Variants in TLK1 observed in about 807,000 individuals in gnomAD.
The protein encoded by TLK1 is tousled like kinase 1.
A neutral mutation model predicts 105.3 loss-of-function variants in TLK1; 24 were observed. That is an observed-to-expected ratio of 0.23 (90% confidence interval 0.17 to 0.32). The LOEUF is 0.32. Ranked by LOEUF, TLK1 falls within the 10% of genes least tolerant of loss-of-function variation. The pLI, the probability that TLK1 is intolerant of heterozygous loss-of-function variation, is 1.00. For missense variants in TLK1, 558 were observed against 910.5 expected (o/e 0.61, Z 4.98); for synonymous variants, 321 against 310.4 (o/e 1.03, Z -0.36).
chr2:171,003,264 A>T (rs1684478055), intron 18 of TLK1, among the ~76,000 whole-genome samples: 1 of 108,980 alleles, frequency 9.2e-6, no homozygotes, highest in African/African-American at 4.0e-5. Context: ...ACAGAGCAAG[A>T]CTCCGTCTCA....
At chr2:171,073,292 T>C (rs1688345293) in intron 3 of TLK1, among the ~76,000 whole-genome samples, 2 of 152,224 alleles carry the variant, frequency 1.3e-5, no homozygotes, top group Admixed American at 1.3e-4. Context: ...TGTGTTCCCT[T>C]AGAAATTTCT....
At chr2:171,060,073 C>G in intron 4 of TLK1, 2 of 1,575,276 alleles carry the variant, frequency 1.3e-6, no homozygotes, top group South Asian at 2.3e-5. Context: ...GAAAGCCAGA[C>G]TAAAGCAAAT....
chr2:170,993,486 A>G lies in TLK1; in HGVS notation c.*294T>C. 1 of 256,816 alleles carries G rather than the reference A, an allele frequency of 3.9e-6. No individual in the cohort carries two copies. 15.9% of individuals were successfully genotyped at this position (256,816 alleles called of 1,614,324 possible). A position where few individuals can be genotyped will look rare whatever the true frequency, so the allele number is the denominator to read the frequency against. ...ATTTACAGTGTTCCCCCAAATAAAC[A>G]AAATTTTTTTCCTCTATCTTAACAT... On this transcript the variant is annotated 3_prime_UTR_variant, in exon 21 of 21. Transcript: ENST00000431350.
At chr2:171,172,382 G>A (rs1357389816) in intron 1 of TLK1, among the ~76,000 whole-genome samples, 2 of 151,926 alleles carry the variant, frequency 1.3e-5, no homozygotes, top group African/African-American at 2.4e-5. Flanking sequence ...TGTACACTTT[G>A]GTACATGTAG....
At chr2:171,150,092 T>A (rs915811011) in intron 1 of TLK1, among the ~76,000 whole-genome samples, 1 of 152,322 alleles carries the variant, frequency 6.6e-6, no homozygotes, top group South Asian at 2.1e-4. Context: ...AAGGCATGTG[T>A]TAATATTTAA....
At chr2:171,148,776 A>G (rs1332079953) in intron 1 of TLK1, among the ~76,000 whole-genome samples, 1 of 151,328 alleles carries the variant, frequency 6.6e-6, no homozygotes, top group Non-Finnish European at 1.5e-5. Context: ...GCTACTCAGG[A>G]GGCTGAGATG....
At chr2:171,119,257 T>A (rs1038473648) in intron 1 of TLK1, among the ~76,000 whole-genome samples, 1 of 152,220 alleles carries the variant, frequency 6.6e-6, no homozygotes, top group Non-Finnish European at 1.5e-5. Flanking sequence ...CTCTTCCTGC[T>A]ATTACATCAG....
At chr2:171,118,091 T>C (rs2105531331) in intron 1 of TLK1, among the ~76,000 whole-genome samples, 1 of 152,312 alleles carries the variant, frequency 6.6e-6, no homozygotes, top group South Asian at 2.1e-4. Flanking sequence ...ATATTTTCCA[T>C]CTAATTTAGT....
At chr2:171,182,549 A>G (rs1414540394) in intron 1 of TLK1, among the ~76,000 whole-genome samples, 1 of 152,180 alleles carries the variant, frequency 6.6e-6, no homozygotes, top group Non-Finnish European at 1.5e-5. Flanking sequence ...CTGAAGAACT[A>G]TTTCAGGGTG....
intron 3 of TLK1, among the ~76,000 whole-genome samples, chr2:171,070,558 C>T (rs2356594): frequency 0.96 from 146,198 of 152,250 alleles, 70,488 homozygotes; most frequent in East Asian, 1. Context: ...TTATTTCACT[C>T]AACAATATGA....
chr2:171,126,652 T>A (rs1473743108), intron 1 of TLK1, among the ~76,000 whole-genome samples: 1 of 152,106 alleles, frequency 6.6e-6, no homozygotes, highest in African/African-American at 2.4e-5. Context: ...GTTTTTTCAC[T>A]AAGAGCTTTC....
At chr2:171,058,634 T>C (rs1463064817) in intron 4 of TLK1, among the ~76,000 whole-genome samples, 3 of 152,300 alleles carry the variant, frequency 2.0e-5, no homozygotes, top group Non-Finnish European at 4.4e-5. Context: ...TTAAATACAA[T>C]GTTTTTTAAA....
At chr2:171,006,068 TA>T (rs370131370) in intron 18 of TLK1, 78 bp downstream of exon 18, 18,182 of 1,033,342 alleles carry the variant, frequency 0.018, 2 homozygotes, top group South Asian at 0.035. Flanking sequence ...TACATGGAAA[TA>T]AAAAAAAAAA....
chr2:171,176,942 C>T (rs10206289), intron 1 of TLK1, among the ~76,000 whole-genome samples: 39,120 of 151,556 alleles, frequency 0.26, 5,301 homozygotes, highest in Middle Eastern at 0.32. Flanking sequence ...AAGCAATTTT[C>T]CTGCCTCACC....
chr2:171,144,526 G>A (rs4668370), intron 1 of TLK1, among the ~76,000 whole-genome samples: 148,747 of 152,258 alleles, frequency 0.98, 72,772 homozygotes, highest in East Asian at 1. Flanking sequence ...AAAAAAAATC[G>A]AGAAATTCAC....
intron 3 of TLK1, among the ~76,000 whole-genome samples, chr2:171,071,202 AT>A (rs1356809498): frequency 6.6e-6 from 1 of 151,404 alleles, no homozygotes; most frequent in Non-Finnish European, 1.5e-5. Context: ...GTTTGCAAAT[AT>A]TTTCTCCTAC....
At chr2:171,020,756 T>C (rs1361276187) in intron 12 of TLK1, among the ~76,000 whole-genome samples, 4 of 152,200 alleles carry the variant, frequency 2.6e-5, no homozygotes, top group East Asian at 1.9e-4. Context: ...AATAACCACC[T>C]AGACAAAGCA....
intron 10 of TLK1, among the ~76,000 whole-genome samples, chr2:171,047,819 A>G (rs1376210020): frequency 1.3e-5 from 2 of 152,168 alleles, no homozygotes; most frequent in African/African-American, 2.4e-5. Context: ...TATTACTTTT[A>G]TTTATTTCTC....
At chr2:171,213,818 G>A (rs1693663297) in intron 1 of TLK1, among the ~76,000 whole-genome samples, 1 of 141,508 alleles carries the variant, frequency 7.1e-6, no homozygotes, top group African/African-American at 2.6e-5. Context: ...AAACTCCTGG[G>A]CTCAAATGAT....
Sources: gnomAD v4.1 joint callset for allele counts (sites outside exome capture counted in the v4.1 genomes callset) on GRCh38, gnomAD v4.1.1 for gene constraint, MANE v1.5 for transcripts, NCBI Gene and HGNC (gene_info 2026-07-23, HGNC 2026-07-21) for gene names.